Variants in VWA8 observed in about 807,000 individuals in gnomAD.
VWA8 encodes the protein von Willebrand factor A domain-containing protein 8.
Under a neutral mutation model 241.5 loss-of-function variants are expected in VWA8, and 221 were observed. The observed-to-expected ratio is 0.91, with a 90% confidence interval of 0.82 to 1.02. The LOEUF is 1.02. Among genes scored for constraint, VWA8 ranks in the 50% least tolerant of loss-of-function variants. The probability of loss-of-function intolerance (pLI) is 0.00; values close to 1 mark genes in which losing one functional copy is unlikely to be tolerated. For missense variants in VWA8, 2,322 were observed against 2,328.7 expected (o/e 1.00, Z 0.06); for synonymous variants, 852 against 827.1 (o/e 1.03, Z -0.52).
chr13:41,950,245 C>T (rs1324275900), intron 1 of VWA8, among the ~76,000 whole-genome samples: 1 of 148,878 alleles, frequency 6.7e-6, no homozygotes, highest in East Asian at 2.0e-4. Flanking sequence ...AACAAACAAA[C>T]AAAAACATGA....
chr13:41,592,995 C>T (rs745614884), intron 40 of VWA8, among the ~76,000 whole-genome samples: 2 of 152,190 alleles, frequency 1.3e-5, no homozygotes, highest in Non-Finnish European at 2.9e-5. Flanking sequence ...CACATATGGA[C>T]AACTTAGTCC....
At chr13:41,712,525 T>A (rs980926006) in intron 26 of VWA8, among the ~76,000 whole-genome samples, 3 of 152,214 alleles carry the variant, frequency 2.0e-5, no homozygotes, top group Admixed American at 6.5e-5. Context: ...AATGCAAATA[T>A]CTGATCCATG....
At chr13:41,928,727 T>C (rs1876964275) in intron 2 of VWA8, among the ~76,000 whole-genome samples, 1 of 149,242 alleles carries the variant, frequency 6.7e-6, no homozygotes, top group Non-Finnish European at 1.5e-5. Context: ...GAAATAAACA[T>C]CATAACAGAA....
intron 40 of VWA8, among the ~76,000 whole-genome samples, chr13:41,597,150 C>T (rs932301946): frequency 1.3e-5 from 2 of 152,090 alleles, no homozygotes; most frequent in Non-Finnish European, 2.9e-5. Context: ...GAATGAATAA[C>T]TGTAAATGAT....
Position 41,703,415 on chromosome 13 carries a change from T to C in VWA8, c.3117-4A>G. 7 of 1,612,792 alleles carry C rather than the reference T, an allele frequency of 4.3e-6. No individual in the cohort carries two copies. Among genetic ancestry groups the C allele is most frequent in the African/African-American group, 1.3e-5 (1 of 75,010 alleles). On this transcript the variant is annotated splice_polypyrimidine_tract_variant and splice_region_variant and intron_variant, in intron 26 of 44. Coordinates refer to ENST00000379310, the MANE Select transcript of VWA8 (RefSeq NM_015058.2). ...CGTTTGTTCTGGCAGAGTCAACCTG[T>C]TAAGGATGATTTGCAAAGTAAATAT...
At chr13:41,880,909 C>T (rs772836474) in intron 9 of VWA8, among the ~76,000 whole-genome samples, 8 of 152,288 alleles carry the variant, frequency 5.3e-5, no homozygotes, top group African/African-American at 7.2e-5. Flanking sequence ...ATAGAGGCTC[C>T]ACCTGCCAGC....
chr13:41,667,112 A>C (rs9315856), intron 37 of VWA8, among the ~76,000 whole-genome samples: 20,015 of 152,158 alleles, frequency 0.13, 1,890 homozygotes, highest in African/African-American at 0.27. Context: ...ATTACCTAGC[A>C]TGTAAATTTA....
intron 17 of VWA8, among the ~76,000 whole-genome samples, chr13:41,806,022 T>C (rs1437382789): frequency 1.5e-5 from 2 of 135,144 alleles, no homozygotes; most frequent in African/African-American, 2.7e-5. Context: ...AAAAAAGAAA[T>C]GATGTCAAGT....
Position 41,685,087 on chromosome 13 carries a change from TA to T in VWA8, c.4286del (p.Leu1429TyrfsTer8). ...LLDTNQVVRILPPGEVPLKDI... is the reference protein window; with the variant it reads ...LLDTNQVVRIXPPGEVPLKDI... ...CTTTTAGAGGGACTTCTCCTGGGGGTAAAATCCTCACTACCTGATTCGTATC... is the reference window on the plus strand; with the variant it reads ...CTTTTAGAGGGACTTCTCCTGGGGGTAAATCCTCACTACCTGATTCGTATC... On this transcript the variant is annotated frameshift_variant, in exon 35 of 45. Coordinates refer to ENST00000379310, the MANE Select transcript of VWA8 (RefSeq NM_015058.2). LOFTEE classifies it high-confidence loss of function. The T allele has an allele frequency of 6.2e-7, 1 of 1,613,494 alleles. No individual in the cohort carries two copies. Among genetic ancestry groups the T allele is most frequent in the Non-Finnish European group, 8.5e-7 (1 of 1,179,676 alleles).
At chr13:41,821,758 A>C (rs1460470964) in intron 14 of VWA8, among the ~76,000 whole-genome samples, 2 of 152,198 alleles carry the variant, frequency 1.3e-5, no homozygotes, top group Non-Finnish European at 2.9e-5. Context: ...AAAATATTGA[A>C]GTCACTATGT....
intron 23 of VWA8, 68 bp downstream of exon 23, chr13:41,729,474 T>C (rs2045463480): frequency 1.9e-5 from 28 of 1,443,944 alleles, no homozygotes; most frequent in Non-Finnish European, 2.5e-5. Flanking sequence ...GCAGCTAAGT[T>C]TGTGATTTGA....
rs1486758401 is a variant in VWA8 at position 41,912,084 on chromosome 13, A to G, written c.326T>C (p.Ile109Thr). 1.2e-6 allele frequency: 2 copies of G among 1,608,890 alleles called. No individual in the cohort carries two copies. The highest frequency in any genetic ancestry group is 2.7e-5 in the African/African-American group (2 of 74,862). ...KDLLGQDVFL[I>T]GPPGPLRRSI... ...GCGTCGAAGAGGCCCAGGAGGTCCT[A>G]TTAGAAAAACATCTTGCCCCAAAAG... is the stretch of plus-strand genomic sequence containing the variant. The change falls in exon 3 of 45, where the codon ATA becomes ACA. Residue 109 changes from isoleucine to threonine, a missense_variant. By Grantham distance (89) the Ile-to-Thr change is moderately conservative. Coordinates refer to ENST00000379310, the MANE Select transcript of VWA8 (RefSeq NM_015058.2).
intron 9 of VWA8, 123 bp downstream of exon 9, chr13:41,883,264 G>A (rs1238073737): frequency 3.0e-5 from 21 of 690,150 alleles, no homozygotes; most frequent in South Asian, 1.9e-5. Context: ...GAAGGGAAAG[G>A]AAAGAAATAA....
chr13:41,841,820 AATATATATATATAT>A (rs1242263993), intron 12 of VWA8, among the ~76,000 whole-genome samples: 302 of 22,206 alleles, frequency 0.014, 5 homozygotes, highest in African/African-American at 0.039. Flanking sequence ...AAAAAAAAAA[AATATATATATATAT>A]ATATATATAT....
intron 39 of VWA8, among the ~76,000 whole-genome samples, chr13:41,606,919 C>T (rs2044557017): frequency 1.3e-5 from 2 of 152,142 alleles, no homozygotes; most frequent in Non-Finnish European, 2.9e-5. Context: ...GTGCCCTATA[C>T]AGACATCTAC....
At chr13:41,917,959 C>T (rs564624601) in intron 2 of VWA8, among the ~76,000 whole-genome samples, 69 of 152,290 alleles carry the variant, frequency 4.5e-4, no homozygotes, top group Non-Finnish European at 8.4e-4. Flanking sequence ...ACTGCAACTA[C>T]GTGCTCATCT....
chr13:41,844,493 C>A (rs1486290516), intron 12 of VWA8, among the ~76,000 whole-genome samples: 1 of 152,070 alleles, frequency 6.6e-6, no homozygotes, highest in South Asian at 2.1e-4. Context: ...CTAGCCAGAG[C>A]AATCAGGCAA....
At chr13:41,614,854 G>T in intron 38 of VWA8, 122 bp downstream of exon 38, 1 of 941,280 alleles carries the variant, frequency 1.1e-6, no homozygotes, top group South Asian at 1.6e-5. Flanking sequence ...CAATCCAACT[G>T]AGTAATGAGG....
intron 34 of VWA8, among the ~76,000 whole-genome samples, chr13:41,686,363 C>T (rs2045136246): frequency 6.6e-6 from 1 of 151,974 alleles, no homozygotes; most frequent in Non-Finnish European, 1.5e-5. Flanking sequence ...TTATTTTAGC[C>T]ATTCTAACGG....
Sources: allele counts gnomAD v4.1 joint callset (sites outside exome capture counted in the v4.1 genomes callset), GRCh38; gene constraint gnomAD v4.1.1; transcripts MANE v1.5; gene names NCBI Gene and HGNC (gene_info 2026-07-23, HGNC 2026-07-21).